NUDC: variants seen among roughly 807,000 people sequenced by gnomAD.
NUDC encodes the protein nuclear distribution C, dynein complex regulator.
NUDC carries 14 observed loss-of-function variants against 45.0 expected under a neutral mutation model. That is an observed-to-expected ratio of 0.31 (90% CI 0.21 to 0.49). NUDC has a LOEUF of 0.49. Among genes scored for constraint, NUDC ranks in the 20% least tolerant of loss-of-function variants. The pLI, the probability that NUDC is intolerant of heterozygous loss-of-function variation, is 0.99. For synonymous variants in NUDC, 153 were observed against 156.7 expected (o/e 0.98, Z 0.17); for missense variants, 323 against 426.2 (o/e 0.76, Z 2.13).
chr1:26,917,741 C>T (rs2082068628), upstream of NUDC, among the ~76,000 whole-genome samples: 1 of 151,872 alleles, frequency 6.6e-6, no homozygotes, highest in African/African-American at 2.4e-5. Context: ...CAAAAATTAG[C>T]CAGACATGGT....
At chr1:26,943,653 C>T (rs760155448) in intron 6 of NUDC, among the ~76,000 whole-genome samples, 2 of 152,178 alleles carry the variant, frequency 1.3e-5, no homozygotes, top group African/African-American at 2.4e-5. Flanking sequence ...TGCTCTGTGC[C>T]TGGTACTGTT....
At chr1:26,900,323 G>C in exon 1 of NUDC, 1 of 1,614,038 alleles carries the variant, frequency 6.2e-7, no homozygotes, top group South Asian at 1.1e-5. Flanking sequence ...AGCCACCGCC[G>C]CGCTCTTCTC....
At position 26,913,020 on chromosome 1, in the gene NUDC, C is replaced by T. The variant is rs187186495; in HGVS notation, c.93+1785C>T. Among the ~76,000 whole-genome samples, 510 of 152,290 alleles carry T rather than the reference C, an allele frequency of 3.3e-3. 3 individuals are homozygous for T. The highest frequency in any genetic ancestry group is 5.4e-3 in the Non-Finnish European group (369 of 68,028). ...AGGACTGGCCAAGCACGGTGGCTCA[C>T]GCCTGTAATCCCAGCACTTTGGGAG... On this transcript the variant is annotated intron_variant, in intron 3 of 6. Coordinates refer to the NUDC transcript ENST00000435827.
chr1:26,940,555 A>G, intron 2 of NUDC, among the ~76,000 whole-genome samples: 1 of 152,126 alleles, frequency 6.6e-6, no homozygotes, highest in East Asian at 1.9e-4. Flanking sequence ...AGTCTTGCAT[A>G]GCTGGACTGT....
At chr1:26,919,977 A>G (rs2082080712), upstream of NUDC, among the ~76,000 whole-genome samples, 1 of 152,168 alleles carries the variant, frequency 6.6e-6, no homozygotes, top group Non-Finnish European at 1.5e-5. Flanking sequence ...TCTGAGGGAG[A>G]AGACACAGAT....
intron 6 of NUDC, 56 bp downstream of exon 6, chr1:26,943,121 T>C: frequency 6.3e-7 from 1 of 1,579,250 alleles, no homozygotes; most frequent in Non-Finnish European, 8.7e-7. Context: ...GAAGGGAGGA[T>C]GTGTGCTTAG....
chr1:26,934,016 G>T (rs936200343), intron 2 of NUDC, among the ~76,000 whole-genome samples: 2 of 152,204 alleles, frequency 1.3e-5, no homozygotes, highest in African/African-American at 4.8e-5. Flanking sequence ...AGCTGGGTGT[G>T]GTGGCGTGTG....
rs2082092896 is a variant in NUDC, at chr1:26,921,790, A to G, written c.-59A>G. On this transcript the variant is annotated 5_prime_UTR_variant, in exon 1 of 9. Coordinates refer to ENST00000321265, the MANE Select transcript of NUDC (RefSeq NM_006600.4). ...CGTTGGGCCCGGCGCGACCCGCAGG[A>G]GCGTAGAGAGCGCGGGACTAGAGTG... is the stretch of plus-strand genomic sequence containing the variant. The G allele has an allele frequency of 6.6e-7, 1 of 1,514,708 alleles. No individual in the cohort carries two copies. The highest frequency in any genetic ancestry group is 1.4e-5 in the African/African-American group (1 of 72,354). 93.8% of individuals were successfully genotyped at this position (1,514,708 alleles called of 1,614,324 possible). A position where few individuals can be genotyped will look rare whatever the true frequency, so the allele number is the denominator to read the frequency against.
chr1:26,920,549 C>G (rs1201686685), upstream of NUDC, among the ~76,000 whole-genome samples: 1 of 151,416 alleles, frequency 6.6e-6, no homozygotes, highest in Non-Finnish European at 1.5e-5. Flanking sequence ...AGTAGAAAAA[C>G]AAGCAAACAA....
chr1:26,944,512 A>C (rs1039703414), intron 6 of NUDC, among the ~76,000 whole-genome samples: 1 of 152,244 alleles, frequency 6.6e-6, no homozygotes. Context: ...CCTGCTTAAA[A>C]ACTTTTTCTG....
At chr1:26,932,371 A>T (rs2082190746) in intron 2 of NUDC, among the ~76,000 whole-genome samples, 1 of 151,748 alleles carries the variant, frequency 6.6e-6, no homozygotes, top group Non-Finnish European at 1.5e-5. Context: ...TGTAGAGATG[A>T]AGTTTCACCA....
chr1:26,904,234 C>A (rs1329364718), intron 2 of NUDC, among the ~76,000 whole-genome samples: 1 of 143,040 alleles, frequency 7.0e-6, no homozygotes, highest in African/African-American at 2.6e-5. Context: ...GTGATGCAAT[C>A]TTGGCTCACT....
At chr1:26,938,026 G>A (rs2082248417) in intron 2 of NUDC, among the ~76,000 whole-genome samples, 1 of 152,250 alleles carries the variant, frequency 6.6e-6, no homozygotes, top group Non-Finnish European at 1.5e-5. Context: ...CTGGCATGGT[G>A]GCACATGCCT....
upstream of NUDC, among the ~76,000 whole-genome samples, chr1:26,919,371 T>G (rs1337519283): frequency 2.0e-5 from 3 of 152,214 alleles, no homozygotes; most frequent in African/African-American, 7.2e-5. Context: ...ACTCCGCTAA[T>G]TTTTAAATTG....
At chr1:26,937,068 A>C (rs2124128758) in intron 2 of NUDC, among the ~76,000 whole-genome samples, 1 of 152,302 alleles carries the variant, frequency 6.6e-6, no homozygotes, top group Middle Eastern at 3.4e-3. Flanking sequence ...AATTTGCTAG[A>C]ATGATTCAAA....
chr1:26,945,540 A>G, intron 7 of NUDC, 28 bp from the exon 8 acceptor site: 1 of 1,612,236 alleles, frequency 6.2e-7, no homozygotes, highest in Non-Finnish European at 8.5e-7. Context: ...CCAGAGCTTC[A>G]CCGATTCCTG....
intron 2 of NUDC, among the ~76,000 whole-genome samples, chr1:26,930,656 C>CCCA (rs1011057174): frequency 6.6e-6 from 1 of 150,594 alleles, no homozygotes; most frequent in African/African-American, 2.4e-5. Context: ...GCTGCAGTGA[C>CCCA]CCATGATAAA....
At chr1:26,920,322 T>C (rs1254549864), upstream of NUDC, among the ~76,000 whole-genome samples, 3 of 151,946 alleles carry the variant, frequency 2.0e-5, no homozygotes, top group Non-Finnish European at 4.4e-5. Flanking sequence ...AAAACCCCTC[T>C]ACTAAAAATA....
chr1:26,900,379 AG>A, exon 1 of NUDC: 1 of 1,613,958 alleles, frequency 6.2e-7, no homozygotes, highest in Non-Finnish European at 8.5e-7. Context: ...CGCAACACGG[AG>A]GGGATACCGC....
Sources: gnomAD v4.1 joint callset for allele counts (sites outside exome capture counted in the v4.1 genomes callset) on GRCh38, gnomAD v4.1.1 for gene constraint, MANE v1.5 for transcripts, NCBI Gene and HGNC (gene_info 2026-07-23, HGNC 2026-07-21) for gene names.